TAF3: variants seen among roughly 807,000 people sequenced by gnomAD.
TAF3 encodes the protein TATA-box binding protein associated factor 3, also known as transcription initiation factor TFIID subunit 3.
Under a neutral mutation model 80.6 loss-of-function variants are expected in TAF3, and 7 were observed. That is an observed-to-expected ratio of 0.09 (90% CI 0.05 to 0.16). The LOEUF (loss-of-function observed/expected upper bound fraction) is 0.16, where lower values mean the gene tolerates loss of function less well. TAF3 is among the 10% of genes least tolerant of loss of function. TAF3 has a pLI of 1.00. For missense variants in TAF3, 921 were observed against 1,140.2 expected, an observed-to-expected ratio of 0.81 and a Z score of 2.77; for synonymous variants, 444 against 446.1, an observed-to-expected ratio of 1.00 and a Z score of 0.06.
At chr10:7,896,658 T>G (rs1837507375) in intron 2 of TAF3, among the ~76,000 whole-genome samples, 1 of 152,186 alleles carries the variant, frequency 6.6e-6, no homozygotes, top group Non-Finnish European at 1.5e-5. Context: ...TATTGAGCTT[T>G]TAGGAAAAGA....
At chr10:7,967,633 T>C (rs995664230) in intron 3 of TAF3, among the ~76,000 whole-genome samples, 3 of 152,364 alleles carry the variant, frequency 2.0e-5, no homozygotes, top group African/African-American at 7.2e-5. Flanking sequence ...GAATTAGACC[T>C]GAGTTCAGAT....
chr10:8,001,157 A>T (rs571609613), intron 4 of TAF3, among the ~76,000 whole-genome samples: 1 of 152,322 alleles, frequency 6.6e-6, no homozygotes, highest in East Asian at 1.9e-4. Flanking sequence ...CAGCTGTCTA[A>T]TGTTGCCTCA....
At chr10:7,884,183 C>T (rs528518566) in intron 2 of TAF3, among the ~76,000 whole-genome samples, 2 of 152,228 alleles carry the variant, frequency 1.3e-5, no homozygotes, top group African/African-American at 4.8e-5. Context: ...CCGTAGCATA[C>T]TCCTTTACTG....
rs1418917328 is a variant in TAF3 at position 7,913,246 on chromosome 10, A to G, written c.410-50674A>G. Among the ~76,000 whole-genome samples the G allele has an allele frequency of 7.9e-5, 12 of 152,228 alleles. 1 individual carries two copies. The East Asian group carries it at 1.7e-3, about 22-fold the overall frequency. ...ACACAGGGGGCTAGGGATTCAAGGT[A>G]TGAAGTGTTGGGAGGACATGGGAGG... On this transcript the variant is annotated intron_variant, in intron 2 of 6. Coordinates refer to ENST00000344293, the MANE Select transcript of TAF3 (RefSeq NM_031923.4).
intron 2 of TAF3, among the ~76,000 whole-genome samples, chr10:7,958,728 T>G (rs1037602534): frequency 6.6e-6 from 1 of 152,234 alleles, no homozygotes; most frequent in Non-Finnish European, 1.5e-5. Context: ...CACTGATTAT[T>G]ATGCTTCATA....
In TAF3 at chr10:7,878,545, G is replaced by A. The variant is rs75735153; in HGVS notation, c.409+53985G>A. Among the ~76,000 whole-genome samples, 1,267 of 152,142 alleles carry A rather than the reference G, an allele frequency of 8.3e-3. 14 individuals are homozygous for A. Among genetic ancestry groups the A allele is most frequent in the African/African-American group, 0.027 (1,136 of 41,492 alleles). The stretch of plus-strand genomic sequence containing the variant: ...AAAGTCATCAGGCCACACACTTAGG[G>A]TATATTAACTTTGTATGTGTTTATT... On this transcript the variant is annotated intron_variant, in intron 2 of 6. Transcript: ENST00000344293.
chr10:7,897,076 G>C (rs921612663), intron 2 of TAF3, among the ~76,000 whole-genome samples: 1 of 152,138 alleles, frequency 6.6e-6, no homozygotes, highest in East Asian at 1.9e-4. Flanking sequence ...CTCATGCTTT[G>C]AATCCCCAAC....
intron 2 of TAF3, among the ~76,000 whole-genome samples, chr10:7,951,241 C>G (rs866646726): frequency 5.9e-5 from 9 of 152,296 alleles, no homozygotes; most frequent in Middle Eastern, 6.8e-3. Flanking sequence ...GTGTAACAAG[C>G]CACCCCCAAA....
chr10:7,859,295 TAAATAAATAAATAAATAAATAAAAG>T (rs1837119319), intron 2 of TAF3, among the ~76,000 whole-genome samples: 1 of 144,826 alleles, frequency 6.9e-6, no homozygotes, highest in Non-Finnish European at 1.5e-5. Context: ...AATAAATAAA[TAAATAAATAAATAAATAAATAAAAG>T]AGAAGTGTGA....
chr10:7,852,106 A>G (rs1200804560), intron 2 of TAF3, among the ~76,000 whole-genome samples: 1 of 151,930 alleles, frequency 6.6e-6, no homozygotes, highest in Non-Finnish European at 1.5e-5. Flanking sequence ...TCTCCCAGAG[A>G]CGGGGTCTCA....
At chr10:8,006,404 G>A (rs1831994204) in intron 4 of TAF3, among the ~76,000 whole-genome samples, 1 of 152,056 alleles carries the variant, frequency 6.6e-6, no homozygotes, top group Admixed American at 6.6e-5. Context: ...ATAAGGCAAG[G>A]CAAGTAAATA....
intron 2 of TAF3, among the ~76,000 whole-genome samples, chr10:7,881,490 A>AACACAC (rs3039468): frequency 5.4e-5 from 8 of 148,714 alleles, no homozygotes; most frequent in South Asian, 2.1e-4. Flanking sequence ...CATACACACA[A>AACACAC]ACACACACAC....
At chr10:7,918,540 G>A (rs1837733467) in intron 2 of TAF3, among the ~76,000 whole-genome samples, 1 of 152,124 alleles carries the variant, frequency 6.6e-6, no homozygotes, top group South Asian at 2.1e-4. Context: ...AGCATGACGG[G>A]AATGTGGGTC....
At chr10:7,893,963 A>G (rs962559383) in intron 2 of TAF3, among the ~76,000 whole-genome samples, 7 of 152,266 alleles carry the variant, frequency 4.6e-5, no homozygotes, top group Non-Finnish European at 8.8e-5. Flanking sequence ...CCCTTCTTTA[A>G]CTTAATGTTT....
chr10:7,904,328 T>A (rs976933911), intron 2 of TAF3, among the ~76,000 whole-genome samples: 2 of 152,224 alleles, frequency 1.3e-5, no homozygotes, highest in African/African-American at 4.8e-5. Context: ...GGTTCCTTTC[T>A]ATTTATGCTT....
At chr10:7,873,627 C>CA (rs1554779065) in intron 2 of TAF3, among the ~76,000 whole-genome samples, 2 of 149,056 alleles carry the variant, frequency 1.3e-5, no homozygotes, top group Middle Eastern at 6.9e-3. Flanking sequence ...TCCCCCCCCC[C>CA]CCGTCAAAAG....
intron 2 of TAF3, among the ~76,000 whole-genome samples, chr10:7,830,134 C>T (rs1836783757): frequency 6.6e-6 from 1 of 152,112 alleles, no homozygotes; most frequent in African/African-American, 2.4e-5. Flanking sequence ...GAATCTATGT[C>T]CACTTCAGTA....
chr10:7,821,788 G>T (rs1043207643), intron 1 of TAF3, among the ~76,000 whole-genome samples: 2 of 152,182 alleles, frequency 1.3e-5, no homozygotes, highest in Non-Finnish European at 2.9e-5. Flanking sequence ...TAAGAGGAGA[G>T]ATGGCTGTAG....
chr10:7,891,175 T>A (rs1431651796), intron 2 of TAF3, among the ~76,000 whole-genome samples: 1 of 152,228 alleles, frequency 6.6e-6, no homozygotes, highest in African/African-American at 2.4e-5. Flanking sequence ...CATTGGTTGC[T>A]GGTATAATTA....
Sources: gnomAD v4.1 joint callset for allele counts (sites outside exome capture counted in the v4.1 genomes callset) on GRCh38, gnomAD v4.1.1 for gene constraint, MANE v1.5 for transcripts, NCBI Gene and HGNC (gene_info 2026-07-23, HGNC 2026-07-21) for gene names.